Variants in SNTG2 observed in about 807,000 individuals in gnomAD.
SNTG2 encodes syntrophin gamma 2, also known as gamma-2-syntrophin.
A neutral mutation model predicts 70.9 loss-of-function variants in SNTG2; 74 were observed. That is an observed-to-expected ratio of 1.04 (90% CI 0.86 to 1.27). SNTG2 has a LOEUF of 1.27. Among genes scored for constraint, SNTG2 ranks in the 50% most tolerant of loss-of-function variants. The pLI, the probability that SNTG2 is intolerant of heterozygous loss-of-function variation, is 0.00. For synonymous variants in SNTG2, 278 were observed against 273.8 expected, an observed-to-expected ratio of 1.02 and a Z score of -0.15; for missense variants, 717 against 690.7, an observed-to-expected ratio of 1.04 and a Z score of -0.43.
At chr2:1,220,343 G>C (rs917870709) in intron 9 of SNTG2, among the ~76,000 whole-genome samples, 10 of 152,254 alleles carry the variant, frequency 6.6e-5, no homozygotes, top group African/African-American at 2.4e-4. Context: ...AGGAGCATGA[G>C]ACAGGAAGTG....
chr2:1,123,885 GAC>G (rs1465293897), intron 4 of SNTG2, among the ~76,000 whole-genome samples: 1 of 152,174 alleles, frequency 6.6e-6, no homozygotes, highest in Non-Finnish European at 1.5e-5. Flanking sequence ...GATACAGAAA[GAC>G]AAGCGCCACA....
At chr2:1,186,427 G>A (rs1302440705) in intron 8 of SNTG2, among the ~76,000 whole-genome samples, 1 of 152,120 alleles carries the variant, frequency 6.6e-6, no homozygotes, top group Non-Finnish European at 1.5e-5. Flanking sequence ...AGTATTCGTG[G>A]TACCAATTTT....
chr2:956,856 C>T (rs73908619), intron 1 of SNTG2, among the ~76,000 whole-genome samples: 4,871 of 152,220 alleles, frequency 0.032, 241 homozygotes, highest in African/African-American at 0.11. Flanking sequence ...GTATTTATGC[C>T]CAGTTTATTT....
intron 16 of SNTG2, among the ~76,000 whole-genome samples, chr2:1,328,179 C>T (rs1461765751): frequency 6.6e-6 from 1 of 152,084 alleles, no homozygotes; most frequent in East Asian, 1.9e-4. Flanking sequence ...GATCCAGGCA[C>T]CTCCCACCAG....
At chr2:1,243,353 C>T (rs1402668728) in intron 11 of SNTG2, among the ~76,000 whole-genome samples, 1 of 152,180 alleles carries the variant, frequency 6.6e-6, no homozygotes, top group Non-Finnish European at 1.5e-5. Flanking sequence ...CTCATGGGGC[C>T]TCCCAGGTCT....
chr2:1,007,768 T>G (rs1467504156), intron 1 of SNTG2, among the ~76,000 whole-genome samples: 1 of 152,136 alleles, frequency 6.6e-6, no homozygotes, highest in Non-Finnish European at 1.5e-5. Context: ...TTTTGTTTTG[T>G]TATGTTTTTG....
intron 14 of SNTG2, among the ~76,000 whole-genome samples, chr2:1,292,806 C>G (rs934317478): frequency 1.2e-4 from 19 of 152,124 alleles, no homozygotes; most frequent in African/African-American, 4.3e-4. Context: ...CTGCAGTTTT[C>G]TTTTCCTGTA....
chr2:962,193 C>A (rs1383160302), intron 1 of SNTG2, among the ~76,000 whole-genome samples: 1 of 152,212 alleles, frequency 6.6e-6, no homozygotes, highest in Non-Finnish European at 1.5e-5. Context: ...CCTGCCCCAG[C>A]CTCCCGAGTA....
intron 6 of SNTG2, among the ~76,000 whole-genome samples, chr2:1,140,603 G>A (rs1668683680): frequency 6.6e-6 from 1 of 152,252 alleles, no homozygotes; most frequent in South Asian, 2.1e-4. Flanking sequence ...CCCACAGGCA[G>A]GGCGCAGAAC....
At chr2:1,269,256 C>G (rs1015316920) in intron 14 of SNTG2, among the ~76,000 whole-genome samples, 3 of 152,146 alleles carry the variant, frequency 2.0e-5, no homozygotes, top group Non-Finnish European at 4.4e-5. Flanking sequence ...GTAATCCTAG[C>G]CCTTCTGGAG....
chr2:1,247,922 C>G (rs1038922244), intron 12 of SNTG2, among the ~76,000 whole-genome samples: 1 of 152,108 alleles, frequency 6.6e-6, no homozygotes, highest in Non-Finnish European at 1.5e-5. Flanking sequence ...TGCTATCGTT[C>G]TGCAATTTCA....
chr2:1,205,459 C>T (rs902498694), intron 8 of SNTG2, among the ~76,000 whole-genome samples: 1 of 152,052 alleles, frequency 6.6e-6, no homozygotes, highest in African/African-American at 2.4e-5. Context: ...CCCAAAGAAC[C>T]AGAGCTGGGA....
intron 8 of SNTG2, among the ~76,000 whole-genome samples, chr2:1,203,690 A>ATATATGTGTG (rs150383929): frequency 7.6e-4 from 108 of 141,352 alleles, no homozygotes; most frequent in African/African-American, 2.8e-3. Context: ...ATATATATAT[A>ATATATGTGTG]TGTGTGTGTG....
intron 14 of SNTG2, among the ~76,000 whole-genome samples, chr2:1,286,159 C>T (rs1679756141): frequency 6.6e-6 from 1 of 152,090 alleles, no homozygotes; most frequent in Non-Finnish European, 1.5e-5. Context: ...GAACTAAGAC[C>T]TCTAGGACAG....
chr2:1,235,457 A>G (rs28422489), intron 9 of SNTG2, among the ~76,000 whole-genome samples: 4,825 of 39,006 alleles, frequency 0.12, 34 homozygotes, highest in African/African-American at 0.27. Flanking sequence ...CCCCTACCCC[A>G]TGCTGCCCTG....
At chr2:1,307,980 G>A (rs1048697795) in intron 14 of SNTG2, among the ~76,000 whole-genome samples, 1 of 152,220 alleles carries the variant, frequency 6.6e-6, no homozygotes, top group East Asian at 1.9e-4. Flanking sequence ...GTTTTTGTTT[G>A]TTTTTGGTGG....
chr2:1,341,951 T>A (rs918816011), intron 16 of SNTG2, among the ~76,000 whole-genome samples: 2 of 149,858 alleles, frequency 1.3e-5, no homozygotes, highest in African/African-American at 4.9e-5. Context: ...GCTCAAGCCA[T>A]CCTCCTACCT....
chr2:1,243,973 CCAAGAG>C (rs1249356936), intron 11 of SNTG2, among the ~76,000 whole-genome samples: 1 of 152,140 alleles, frequency 6.6e-6, no homozygotes, highest in African/African-American at 2.4e-5. Context: ...TTGCAGTGAG[CCAAGAG>C]CGTGCCACTG....
intron 1 of SNTG2, among the ~76,000 whole-genome samples, chr2:965,348 A>T: frequency 9.9e-6 from 1 of 101,428 alleles, no homozygotes; most frequent in East Asian, 2.6e-4. Context: ...CCTGGTCCCC[A>T]GTCCTCCTCC....
Sources: allele counts gnomAD v4.1 joint callset (sites outside exome capture counted in the v4.1 genomes callset), GRCh38; gene constraint gnomAD v4.1.1; transcripts MANE v1.5; gene names NCBI Gene and HGNC (gene_info 2026-07-23, HGNC 2026-07-21).